The following C10orf105 variants were observed in gnomAD, a reference collection of about 807,000 sequenced individuals.
C10orf105 encodes uncharacterized protein C10orf105.
C10orf105 carries 2 observed loss-of-function variants against 0.6 expected under a neutral mutation model. The ratio of observed to expected loss-of-function variants is 3.18; its 90% CI spans 1.30 to 10.01. The LOEUF (loss-of-function observed/expected upper bound fraction) is 10.01. C10orf105 is among the 30% of genes most tolerant of loss of function. The pLI is 0.04. For synonymous variants in C10orf105, 95 were observed against 82.4 expected (o/e 1.15, Z -0.83); for missense variants, 209 against 191.4 (o/e 1.09, Z -0.54).
chr10:71,716,376 G>A (rs1250204469), intron 1 of C10orf105, 34 bp from the exon 2 acceptor site: 8 of 1,450,206 alleles, frequency 5.5e-6, no homozygotes, highest in Admixed American at 2.7e-5. Context: ...CTCAAAGGCA[G>A]ATCAGCTGGA....
chr10:71,737,309 C>T (rs766377466), intron 1 of C10orf105, among the ~76,000 whole-genome samples: 1 of 152,198 alleles, frequency 6.6e-6, no homozygotes, highest in Non-Finnish European at 1.5e-5. Context: ...TTCCTCCCAA[C>T]AGGTGTCATT....
chr10:71,728,325 A>T (rs1866907752), intron 1 of C10orf105, among the ~76,000 whole-genome samples: 1 of 152,066 alleles, frequency 6.6e-6, no homozygotes, highest in South Asian at 2.1e-4. Flanking sequence ...GTGTCTGGAC[A>T]TGAAAATTCT....
At chr10:71,733,905 A>T (rs1474436438) in intron 1 of C10orf105, among the ~76,000 whole-genome samples, 1 of 152,256 alleles carries the variant, frequency 6.6e-6, no homozygotes, top group Non-Finnish European at 1.5e-5. Flanking sequence ...GACCCTTCTC[A>T]GTCCTCAAAG....
intron 1 of C10orf105, among the ~76,000 whole-genome samples, chr10:71,733,230 G>C (rs754639384): frequency 6.6e-6 from 1 of 152,216 alleles, no homozygotes; most frequent in Non-Finnish European, 1.5e-5. Flanking sequence ...GAGACACACA[G>C]AGCAAGGCAT....
chr10:71,716,393 G>A, intron 1 of C10orf105, 51 bp from the exon 2 acceptor site: 4 of 1,422,258 alleles, frequency 2.8e-6, no homozygotes, highest in South Asian at 1.5e-5. Context: ...TGGACCCAGG[G>A]CAGCGGGTAT....
chr10:71,722,213 G>A (rs1035610067), upstream of C10orf105, among the ~76,000 whole-genome samples: 1 of 152,202 alleles, frequency 6.6e-6, no homozygotes, highest in Non-Finnish European at 1.5e-5. Context: ...AGCCAAGGCG[G>A]GAGGATTGCT....
Position 71,732,374 on chromosome 10 carries a change from C to T in C10orf105, c.-6+5354G>A, listed in dbSNP as rs762247872. ...GCCCTCTTCAAGATAGACGCCATCA[C>T]GGTGAGGGGCTGGGGGCAGGGAGCA... On this transcript the variant is annotated intron_variant, in intron 1 of 1. Transcript: ENST00000398786. 26 of 1,559,080 alleles carry T rather than the reference C, an allele frequency of 1.7e-5. No homozygotes were observed. In the African/African-American group the frequency reaches 2.2e-4, roughly 13 times the overall value.
chr10:71,724,291 T>C (rs58339343), upstream of C10orf105, among the ~76,000 whole-genome samples: 3,296 of 152,260 alleles, frequency 0.022, 129 homozygotes, highest in African/African-American at 0.075. Context: ...AGGGGGAAGC[T>C]TTTTTGATTA....
upstream of C10orf105, among the ~76,000 whole-genome samples, chr10:71,722,283 A>G (rs563062410): frequency 4.6e-5 from 7 of 152,198 alleles, no homozygotes; most frequent in African/African-American, 1.7e-4. Context: ...TCTACAAAAA[A>G]AATAATAATA....
intron 1 of C10orf105, among the ~76,000 whole-genome samples, chr10:71,735,893 G>C (rs1839550722): frequency 6.6e-6 from 1 of 152,224 alleles, no homozygotes; most frequent in Non-Finnish European, 1.5e-5. Flanking sequence ...CGCTCGGGCA[G>C]TGGGTGCCGA....
intron 1 of C10orf105, among the ~76,000 whole-genome samples, chr10:71,735,100 T>C (rs1839522275): frequency 6.6e-6 from 1 of 152,224 alleles, no homozygotes. Flanking sequence ...GAAAGCCCTT[T>C]GTAAGCCAGT....
At chr10:71,724,700 C>G (rs1488838894), upstream of C10orf105, among the ~76,000 whole-genome samples, 1 of 152,212 alleles carries the variant, frequency 6.6e-6, no homozygotes, top group Non-Finnish European at 1.5e-5. Context: ...AGGGCAGCCC[C>G]CAGCAGCACG....
upstream of C10orf105, among the ~76,000 whole-genome samples, chr10:71,722,814 G>A (rs529325668): frequency 6.6e-5 from 10 of 152,222 alleles, no homozygotes; most frequent in South Asian, 8.3e-4. Context: ...GCCAGCACAC[G>A]CTTGGTGTTC....
At chr10:71,731,989 G>T (rs975836593) in intron 1 of C10orf105, 2 of 1,613,278 alleles carry the variant, frequency 1.2e-6, no homozygotes, top group Admixed American at 1.7e-5. Flanking sequence ...TCCTACAGGG[G>T]ATGGTGGCCT....
At chr10:71,730,623 A>G in intron 1 of C10orf105, 1 of 1,613,198 alleles carries the variant, frequency 6.2e-7, no homozygotes, top group Non-Finnish European at 8.5e-7. Context: ...GGCAGGAGGA[A>G]GCCGGGGATC....
chr10:71,730,117 G>A (rs111392048), intron 1 of C10orf105, among the ~76,000 whole-genome samples: 6,426 of 152,224 alleles, frequency 0.042, 451 homozygotes, highest in African/African-American at 0.15. Context: ...GATTACAGGC[G>A]TGAGCCACCG....
upstream of C10orf105, chr10:71,737,830 G>A: frequency 2.1e-6 from 1 of 466,168 alleles, no homozygotes; most frequent in African/African-American, 2.0e-5. Flanking sequence ...CCGAGCCACA[G>A]ACACAAAACA....
chr10:71,732,607 C>A (rs1480419056), intron 1 of C10orf105: 1 of 1,390,058 alleles, frequency 7.2e-7, no homozygotes, highest in South Asian at 1.6e-5. Context: ...CACTCCAGCC[C>A]GGGCAACAGA....
intron 1 of C10orf105, among the ~76,000 whole-genome samples, chr10:71,729,247 A>G (rs757261301): frequency 1.5e-4 from 23 of 152,244 alleles, no homozygotes; most frequent in Non-Finnish European, 2.9e-4. Context: ...TGCACAATTC[A>G]GAAACAGCCA....
Sources: allele counts gnomAD v4.1 joint callset (sites outside exome capture counted in the v4.1 genomes callset), GRCh38; gene constraint gnomAD v4.1.1; transcripts MANE v1.5; gene names NCBI Gene and HGNC (gene_info 2026-07-23, HGNC 2026-07-21).